COMP: variants seen among roughly 807,000 people sequenced by gnomAD.
COMP encodes the protein cartilage oligomeric matrix protein.
In COMP, 79 loss-of-function variants were observed where a neutral mutation model predicts 95.8. The observed-to-expected ratio is 0.82, with a 90% CI of 0.69 to 0.99. The LOEUF (loss-of-function observed/expected upper bound fraction) is 0.99. Among genes scored for constraint, COMP ranks in the 50% least tolerant of loss-of-function variants. COMP has a pLI of 0.00. For synonymous variants in COMP, 438 were observed against 433.9 expected (o/e 1.01, Z -0.12); for missense variants, 906 against 1,076.1 (o/e 0.84, Z 2.21).
chr19:18,785,869 C>A lies in COMP; in HGVS notation c.1490-18G>T, dbSNP rs765174045. The stretch of plus-strand genomic sequence containing the variant: ...GCCGTCCCCTGAGAGGTGGGAGACC[C>A]CTCGGTGGGCTAAAGTCAGGGCCCG... On this transcript the variant is annotated intron_variant, in intron 13 of 18. Coordinates refer to ENST00000222271, the MANE Select transcript of COMP (RefSeq NM_000095.3). 4 of 1,609,398 alleles carry A rather than the reference C, an allele frequency of 2.5e-6. No homozygotes were observed. The highest frequency in any genetic ancestry group is 2.2e-5 in the South Asian group (2 of 91,082).
Position 18,787,488 on chromosome 19 carries a change from C to A in COMP, c.1135+3G>T. The A allele has an allele frequency of 6.2e-7, 1 of 1,611,796 alleles. No individual in the cohort carries two copies. Among genetic ancestry groups the A allele is most frequent in the Non-Finnish European group, 8.5e-7 (1 of 1,179,940 alleles). ...CTCGCCCCCCAACCCCCATCGAGCT[C>A]ACGGTCGCCGTCGATGTCGTCGTCG... On this transcript the variant is annotated splice_donor_region_variant and intron_variant, in intron 10 of 18. Transcript: ENST00000222271.
rs758804491 is a variant in COMP, at chr19:18,786,309, C to A, written c.1255-18G>T. On this transcript the variant is annotated intron_variant, in intron 11 of 18. Transcript: ENST00000222271. Reference sequence around the variant, plus strand: ...ACATCCGCCTGCGGAGGGCAGCATGCGGGGGTCCATAATCAGACAGAGGAA... The same window carrying A: ...ACATCCGCCTGCGGAGGGCAGCATGAGGGGGTCCATAATCAGACAGAGGAA... The A allele has an allele frequency of 6.2e-7, 1 of 1,613,604 alleles. No individual in the cohort carries two copies.
Position 18,786,601 on chromosome 19 carries a change from C to A in COMP, c.1185G>T (p.Gln395His), listed in dbSNP as rs770449845. The stretch of plus-strand genomic sequence containing the variant: ...CTATACCATCGCCATCACTGTCCTT[C>A]TGGTCTGAGTTGGGTACCCTAGGGC... ...DNCPRVPNSD[Q>H]KDSDGDGIGD... The change falls in exon 11 of 19, where the codon CAG (glutamine) becomes CAT (histidine). Residue 395 changes from glutamine (Q) to histidine (H), a missense_variant. Transcript: ENST00000222271. 1 of 1,614,074 alleles carries A rather than the reference C, an allele frequency of 6.2e-7. No individual in the cohort carries two copies. The highest frequency in any genetic ancestry group is 8.5e-7 in the Non-Finnish European group (1 of 1,180,008).
Position 18,786,272 on chromosome 19 carries a change from A to G in COMP, c.1274T>C (p.Phe425Ser). ...NPDQADVDHD[F>S]VGDACDSDQD... is the part of the protein sequence containing the mutation. ...ATCGCTGTCACAAGCATCTCCCACA[A>G]AGTCGTGGTCCACATCCGCCTGCGG... Residue 425 changes from phenylalanine (F) to serine (S), a missense_variant, in exon 12 of 19, where the codon TTT becomes TCT. Phe to Ser is a radical substitution (Grantham distance 155, BLOSUM62 -2). Coordinates refer to ENST00000222271, the MANE Select transcript of COMP (RefSeq NM_000095.3). The G allele has an allele frequency of 6.2e-7, 1 of 1,613,996 alleles. No homozygotes were observed. Among genetic ancestry groups the G allele is most frequent in the Non-Finnish European group, 8.5e-7 (1 of 1,180,028 alleles).
intron 3 of COMP, 69 bp downstream of exon 3, chr19:18,790,493 C>G: frequency 2.5e-6 from 4 of 1,594,226 alleles, no homozygotes; most frequent in Non-Finnish European, 3.4e-6. Flanking sequence ...CTTTCCCTGG[C>G]TCTCTGTCTC....
chr19:18,789,555 G>GC lies in COMP; in HGVS notation c.391-259dup, dbSNP rs988269369. Reference sequence around the variant, plus strand: ...GGGCGGGCATCCCCAGCAGAGGGGGGCAGGGGTCGTCGGGGCGTGCGTGCC... The same window carrying GC: ...GGGCGGGCATCCCCAGCAGAGGGGGGCCAGGGGTCGTCGGGGCGTGCGTGCC... On this transcript the variant is annotated intron_variant, in intron 4 of 18. Coordinates refer to ENST00000222271, the MANE Select transcript of COMP (RefSeq NM_000095.3). This position sits in a 1 kb window ranked among gnomAD's most constrained non-coding sequence, Gnocchi z 6.1. Among the ~76,000 whole-genome samples the GC allele has an allele frequency of 3.0e-4, 45 of 152,166 alleles. No homozygotes were observed. Among genetic ancestry groups the GC allele is most frequent in the African/African-American group, 1.1e-3 (45 of 41,512 alleles).
In COMP at chr19:18,782,840, C is replaced by T; in HGVS notation, c.*75G>A. 2 of 1,559,336 alleles carry T rather than the reference C, an allele frequency of 1.3e-6. No individual in the cohort carries two copies. The highest frequency in any genetic ancestry group is 1.7e-5 in the Admixed American group (1 of 59,860). On this transcript the variant is annotated 3_prime_UTR_variant, in exon 19 of 19. Transcript: ENST00000222271. ...CACTTCCCCCTCAGGACGGCCACCC[C>T]TTGGGGCTGGGTGCAGAGCCCCCAT...
chr19:18,787,801 G>T (rs907316622), intron 9 of COMP, 151 bp from the exon 10 acceptor site: 21 of 945,666 alleles, frequency 2.2e-5, no homozygotes, highest in Non-Finnish European at 3.0e-5. Context: ...TCCAAGCCAC[G>T]CCCCATCCCA....
rs750643962 is a variant in COMP at position 18,786,667 on chromosome 19, G to A, written c.1136-17C>T. The A allele has an allele frequency of 1.3e-6, 2 of 1,598,840 alleles. No homozygotes were observed. Among genetic ancestry groups the A allele is most frequent in the Non-Finnish European group, 1.7e-6 (2 of 1,167,740 alleles). ...TGCGGATCCCTGCAGAAATCCACGGGACCAGAGCCCCAAGATTGGGACCAG... is the reference window on the plus strand; with the variant it reads ...TGCGGATCCCTGCAGAAATCCACGGAACCAGAGCCCCAAGATTGGGACCAG... On this transcript the variant is annotated splice_polypyrimidine_tract_variant and intron_variant, in intron 10 of 18. Transcript: ENST00000222271.
At chr19:18,785,141 C>G in intron 15 of COMP, 49 bp from the exon 16 acceptor site, 4 of 1,590,436 alleles carry the variant, frequency 2.5e-6, no homozygotes, top group Non-Finnish European at 3.4e-6. Context: ...AGCCCCAGCC[C>G]CCGGAACCTG....
rs1478825041 is a variant in COMP at position 18,786,900 on chromosome 19, G to A, written c.1136-250C>T. 1.2e-5 allele frequency: 5 copies of A among 426,670 alleles called. No individual in the cohort carries two copies. The East Asian group carries it at 2.6e-4, about 22-fold the overall frequency. The allele number at this position is 426,670 out of a possible 1,614,324, so 26.4% of individuals were successfully genotyped here. ...TGATTCTCCTGCCTCAGCCTCCCGAGTAGCTGGGATTACAGGTGTGCGCCA... is the reference window on the plus strand; with the variant it reads ...TGATTCTCCTGCCTCAGCCTCCCGAATAGCTGGGATTACAGGTGTGCGCCA... On this transcript the variant is annotated intron_variant, in intron 10 of 18. Coordinates refer to ENST00000222271, the MANE Select transcript of COMP (RefSeq NM_000095.3).
Position 18,791,148 on chromosome 19 carries a change from G to A in COMP, c.79+43C>T, listed in dbSNP as rs544995582. ...GGGCCTCTCACGGGTCCTACAGTCC[G>A]TTGTGGGGCCGTGGGCACGGCGCGG... On this transcript the variant is annotated intron_variant, in intron 1 of 18. Coordinates refer to ENST00000222271, the MANE Select transcript of COMP (RefSeq NM_000095.3). 135 of 1,554,060 alleles carry A rather than the reference G, an allele frequency of 8.7e-5. 1 individual carries two copies. In the East Asian group the frequency reaches 3.2e-3, roughly 37 times the overall value.
At chr19:18,790,160 G>T in intron 3 of COMP, 46 bp from the exon 4 acceptor site, 5 of 1,421,674 alleles carry the variant, frequency 3.5e-6, no homozygotes, top group Non-Finnish European at 4.7e-6. Context: ...TCGGTGGCTC[G>T]CCCGGGGGCA....
In COMP at chr19:18,787,467, C is replaced by T. The variant is rs766613369; in HGVS notation, c.1135+24G>A. 3.1e-6 allele frequency: 5 copies of T among 1,608,790 alleles called. No individual in the cohort carries two copies. The Admixed American group carries it at 8.3e-5, about 27-fold the overall frequency. ...CTTCGGTGCCCGCCGCCTCTCCTCG[C>T]CCCCCAACCCCCATCGAGCTCACGG... On this transcript the variant is annotated intron_variant, in intron 10 of 18. Coordinates refer to ENST00000222271, the MANE Select transcript of COMP (RefSeq NM_000095.3).
chr19:18,785,761 G>C lies in COMP; in HGVS notation c.1580C>G (p.Thr527Arg). 1.9e-6 allele frequency: 3 copies of C among 1,613,436 alleles called. No individual in the cohort carries two copies. The highest frequency in any genetic ancestry group is 2.5e-6 in the Non-Finnish European group (3 of 1,180,028). ...CTGGAAGGCCCTGAAGTCGGTGAGC[G>C]TGACTTCAGCGTTCTCCGGACACAC... ...IDVCPENAEVTLTDFRAFQTV... is the reference protein window; with the variant it reads ...IDVCPENAEVRLTDFRAFQTV... The change falls in exon 14 of 19, where the codon ACG becomes AGG. Residue 527 changes from threonine to arginine, a missense_variant. Coordinates refer to ENST00000222271, the MANE Select transcript of COMP (RefSeq NM_000095.3).
chr19:18,791,212 C>T lies in COMP; in HGVS notation c.58G>A (p.Gly20Arg), dbSNP rs765574677. ...TTACCCAACGGGCTCTGGCCCTGTC[C>T]GGACGCGCCGAGGGCAGCCAGGGTG... ...LLTLAALGAS[G>R]QGQSPLGSDL... is the part of the protein sequence containing the mutation. Residue 20 changes from glycine to arginine, a missense_variant, in exon 1 of 19, where the codon GGA becomes AGA. Physicochemically the swap from Gly to Arg is moderately radical, Grantham distance 125 (BLOSUM62 -2). Transcript: ENST00000222271. 8.2e-6 allele frequency: 13 copies of T among 1,592,146 alleles called. No homozygotes were observed. In the East Asian group the frequency reaches 1.1e-4, roughly 14 times the overall value.
intron 15 of COMP, 97 bp from the exon 16 acceptor site, chr19:18,785,189 T>G: frequency 8.2e-7 from 1 of 1,220,130 alleles, no homozygotes; most frequent in Admixed American, 1.8e-5. Flanking sequence ...GGTCCCGATC[T>G]GCCTGCAGAC....
Position 18,783,159 on chromosome 19 carries a change from C to G in COMP, c.2122G>C (p.Asp708His). 1 of 1,609,758 alleles carries G rather than the reference C, an allele frequency of 6.2e-7. No individual in the cohort carries two copies. The highest frequency in any genetic ancestry group is 1.1e-5 in the South Asian group (1 of 91,084). The change falls in exon 18 of 19, where the codon GAC becomes CAC. Residue 708 changes from aspartate to histidine, a missense_variant. Coordinates refer to ENST00000222271, the MANE Select transcript of COMP (RefSeq NM_000095.3). The stretch of plus-strand genomic sequence containing the variant: ...GTTGTGTCCAAGACCACGTTGCTGT[C>G]GGCCACCAGCTCAGGGCCCTCATAG... ...RFYEGPELVA[D>H]SNVVLDTTMR... is the part of the protein sequence containing the mutation.
rs1448215270 is a variant in COMP, at chr19:18,790,943, G to T, written c.80-8C>A. ...GCGGGCCCAGGTCTGAGCCTGCGGC[G>T]GCAGGGGACCTGGTGAGGCGTCATG... On this transcript the variant is annotated splice_polypyrimidine_tract_variant and splice_region_variant and intron_variant, in intron 1 of 18. Coordinates refer to ENST00000222271, the MANE Select transcript of COMP (RefSeq NM_000095.3). The T allele has an allele frequency of 3.2e-6, 5 of 1,553,846 alleles. No individual in the cohort carries two copies. Among genetic ancestry groups the T allele is most frequent in the Non-Finnish European group, 4.3e-6 (5 of 1,149,974 alleles).
Sources: gnomAD v4.1 joint callset for allele counts (sites outside exome capture counted in the v4.1 genomes callset) on GRCh38, gnomAD v4.1.1 for gene constraint, Gnocchi (gnomAD v3.1) non-coding constraint, MANE v1.5 for transcripts, NCBI Gene and HGNC (gene_info 2026-07-23, HGNC 2026-07-21) for gene names.